The following CDH4 variants were observed in gnomAD, a reference collection of about 807,000 sequenced individuals.
CDH4 encodes cadherin 4, also known as cadherin-4.
Under a neutral mutation model 86.0 loss-of-function variants are expected in CDH4, and 33 were observed. The ratio of observed to expected loss-of-function variants is 0.38; its 90% confidence interval spans 0.29 to 0.51. CDH4 has a LOEUF of 0.51. CDH4 is among the 20% of genes least tolerant of loss of function. CDH4 has a pLI of 0.86. For synonymous variants in CDH4, 555 were observed against 549.4 expected (o/e 1.01, Z -0.14); for missense variants, 1,114 against 1,307.4 (o/e 0.85, Z 2.28).
At chr20:61,520,783 A>AG (rs2085863332) in intron 2 of CDH4, among the ~76,000 whole-genome samples, 1 of 152,218 alleles carries the variant, frequency 6.6e-6, no homozygotes, top group Non-Finnish European at 1.5e-5. Flanking sequence ...ACTGCTTATT[A>AG]GAGGTCTTTA....
At chr20:61,812,040 G>A (rs555129414) in intron 4 of CDH4, among the ~76,000 whole-genome samples, 8 of 152,156 alleles carry the variant, frequency 5.3e-5, no homozygotes, top group East Asian at 1.9e-4. Context: ...CCATCTGCCC[G>A]CCTTCGTCTT....
At chr20:61,275,807 G>T (rs1482134443) in intron 2 of CDH4, among the ~76,000 whole-genome samples, 1 of 152,070 alleles carries the variant, frequency 6.6e-6, no homozygotes, top group Non-Finnish European at 1.5e-5. Context: ...ATCACTGGGG[G>T]TGGAAGCAAA....
At chr20:61,574,631 G>A (rs564368384) in intron 2 of CDH4, among the ~76,000 whole-genome samples, 5 of 152,270 alleles carry the variant, frequency 3.3e-5, no homozygotes, top group Non-Finnish European at 4.4e-5. Flanking sequence ...GAAATACTGC[G>A]TCCGGCCACT....
chr20:61,398,545 C>G (rs555688601), intron 2 of CDH4, among the ~76,000 whole-genome samples: 3 of 152,286 alleles, frequency 2.0e-5, no homozygotes, highest in South Asian at 4.2e-4. Context: ...TGTGGCCCTT[C>G]GAGTCCCAGG....
At chr20:61,866,052 T>A (rs1048247514) in intron 6 of CDH4, among the ~76,000 whole-genome samples, 1 of 152,124 alleles carries the variant, frequency 6.6e-6, no homozygotes, top group African/African-American at 2.4e-5. Flanking sequence ...GGCACTGAGG[T>A]CATCAAGGGA....
At chr20:61,899,105 G>A (rs1050289925) in intron 8 of CDH4, among the ~76,000 whole-genome samples, 1 of 152,012 alleles carries the variant, frequency 6.6e-6, no homozygotes, top group Non-Finnish European at 1.5e-5. Context: ...GACCAGCCTG[G>A]CCAAGATGTG....
chr20:61,404,586 G>T (rs1211912554), intron 2 of CDH4, among the ~76,000 whole-genome samples: 1 of 152,124 alleles, frequency 6.6e-6, no homozygotes, highest in African/African-American at 2.4e-5. Context: ...CAGAGACAAC[G>T]TGGGCAGGGG....
intron 2 of CDH4, among the ~76,000 whole-genome samples, chr20:61,319,043 T>C (rs1384844415): frequency 6.6e-6 from 1 of 152,212 alleles, no homozygotes; most frequent in Non-Finnish European, 1.5e-5. Context: ...ATGACTTAGT[T>C]TCCACGATCT....
chr20:61,382,414 G>A (rs2084908036), intron 2 of CDH4, among the ~76,000 whole-genome samples: 2 of 152,202 alleles, frequency 1.3e-5, no homozygotes, highest in South Asian at 4.1e-4. Context: ...GCACATGGAA[G>A]ACCCTGGCAT....
At chr20:61,909,306 C>T (rs1240683812) in intron 8 of CDH4, among the ~76,000 whole-genome samples, 1 of 152,184 alleles carries the variant, frequency 6.6e-6, no homozygotes, top group African/African-American at 2.4e-5. Context: ...CAGCTGCACG[C>T]AGCAACACAA....
intron 2 of CDH4, among the ~76,000 whole-genome samples, chr20:61,642,700 G>A (rs1231118604): frequency 6.6e-6 from 1 of 152,192 alleles, no homozygotes; most frequent in African/African-American, 2.4e-5. Flanking sequence ...TAGGTCAGAA[G>A]TCTTACAGGG....
At chr20:61,661,764 G>T (rs941096361) in intron 2 of CDH4, among the ~76,000 whole-genome samples, 1 of 152,140 alleles carries the variant, frequency 6.6e-6, no homozygotes. Flanking sequence ...GACCATCTTT[G>T]AGTGTCCGCC....
At chr20:61,923,352 C>T (rs2055004979) in intron 9 of CDH4, 99 bp from the exon 10 acceptor site, 2 of 1,192,124 alleles carry the variant, frequency 1.7e-6, no homozygotes, top group Admixed American at 1.8e-5. Flanking sequence ...CTGGACATGG[C>T]TCAGGGAGGG....
intron 2 of CDH4, among the ~76,000 whole-genome samples, chr20:61,279,397 C>T (rs1169304700): frequency 1.3e-5 from 2 of 152,170 alleles, no homozygotes; most frequent in African/African-American, 4.8e-5. Flanking sequence ...CCCAGAGGGG[C>T]CTGGCAGCCC....
At chr20:61,690,058 G>C (rs1290094877) in intron 2 of CDH4, among the ~76,000 whole-genome samples, 1 of 151,780 alleles carries the variant, frequency 6.6e-6, no homozygotes, top group Non-Finnish European at 1.5e-5. Flanking sequence ...CATCCGGCAG[G>C]GACGGTGAGT....
At position 61,292,772 on chromosome 20, in the gene CDH4, G is replaced by A. The variant is rs111388232; in HGVS notation, c.169+37835G>A. Among the ~76,000 whole-genome samples, 601 of 152,038 alleles carry A rather than the reference G, an allele frequency of 4.0e-3. 3 individuals carry two copies. The highest frequency in any genetic ancestry group is 0.013 in the African/African-American group (534 of 41,272). ...AACACGAGAAAATAGAGAAACTTGG[G>A]CAATGCTGTTTTTGTTTTTGTTTTT... On this transcript the variant is annotated intron_variant, in intron 2 of 15. Transcript: ENST00000614565.
chr20:61,845,392 T>C (rs886316034), intron 5 of CDH4, among the ~76,000 whole-genome samples: 2 of 152,138 alleles, frequency 1.3e-5, no homozygotes, highest in African/African-American at 4.8e-5. Flanking sequence ...TAGAGAGACG[T>C]GGGGCTGCGG....
At chr20:61,739,411 C>T (rs1193838150) in intron 2 of CDH4, among the ~76,000 whole-genome samples, 1 of 152,216 alleles carries the variant, frequency 6.6e-6, no homozygotes, top group Non-Finnish European at 1.5e-5. Context: ...TCAGCACACT[C>T]ACCAGTCCTG....
At chr20:61,296,035 A>C (rs1239152509) in intron 2 of CDH4, among the ~76,000 whole-genome samples, 1 of 152,068 alleles carries the variant, frequency 6.6e-6, no homozygotes, top group African/African-American at 2.4e-5. Context: ...GGTGGGGAGT[A>C]GTTAATGGCC....
Sources: gnomAD v4.1 joint callset for allele counts (sites outside exome capture counted in the v4.1 genomes callset) on GRCh38, gnomAD v4.1.1 for gene constraint, MANE v1.5 for transcripts, NCBI Gene and HGNC (gene_info 2026-07-23, HGNC 2026-07-21) for gene names.